NRXN1: variants seen among roughly 807,000 people sequenced by gnomAD.
The protein encoded by NRXN1 is neurexin 1.
Under a neutral mutation model 150.9 loss-of-function variants are expected in NRXN1, and 39 were observed. That is an observed-to-expected ratio of 0.26 (90% CI 0.20 to 0.34). The LOEUF (loss-of-function observed/expected upper bound fraction) is 0.34, where lower values mean the gene tolerates loss of function less well. Among genes scored for constraint, NRXN1 ranks in the 10% least tolerant of loss-of-function variants. The pLI is 1.00. For synonymous variants in NRXN1, 924 were observed against 757.0 expected (o/e 1.22, Z -3.62); for missense variants, 1,815 against 1,949.9 (o/e 0.93, Z 1.30).
At chr2:50,649,663 C>T (rs1323667733) in intron 5 of NRXN1, among the ~76,000 whole-genome samples, 1 of 151,996 alleles carries the variant, frequency 6.6e-6, no homozygotes, top group Non-Finnish European at 1.5e-5. Flanking sequence ...GTAATACCTA[C>T]TGTATCACTT....
At chr2:49,927,171 A>C (rs1669252055) in intron 22 of NRXN1, among the ~76,000 whole-genome samples, 1 of 152,218 alleles carries the variant, frequency 6.6e-6, no homozygotes, top group Admixed American at 6.5e-5. Flanking sequence ...ACACAATGTA[A>C]AATAATTCTT....
At chr2:50,071,547 A>G (rs1189505688) in intron 19 of NRXN1, among the ~76,000 whole-genome samples, 4 of 152,210 alleles carry the variant, frequency 2.6e-5, no homozygotes, top group Non-Finnish European at 4.4e-5. Flanking sequence ...CCCAGCAAGA[A>G]GGTGGACATC....
intron 17 of NRXN1, among the ~76,000 whole-genome samples, chr2:50,329,758 C>T (rs111738169): frequency 0.12 from 17,033 of 146,064 alleles, 1,115 homozygotes; most frequent in Non-Finnish European, 0.13. Context: ...ACTGCAACCT[C>T]CACCTCCCAG....
At chr2:50,951,795 G>T (rs12713125) in intron 2 of NRXN1, among the ~76,000 whole-genome samples, 121,252 of 151,216 alleles carry the variant, frequency 0.8, 48,797 homozygotes, top group East Asian at 0.99. Flanking sequence ...ATAAAAATAT[G>T]TTTCCTCATA....
At chr2:50,600,514 G>A (rs946819485) in intron 8 of NRXN1, among the ~76,000 whole-genome samples, 9 of 151,798 alleles carry the variant, frequency 5.9e-5, no homozygotes, top group Non-Finnish European at 8.8e-5. Flanking sequence ...TAATAGAGAC[G>A]GGGTTTCACC....
intron 8 of NRXN1, among the ~76,000 whole-genome samples, chr2:50,595,514 G>T (rs959306338): frequency 2.0e-5 from 3 of 151,954 alleles, no homozygotes; most frequent in Admixed American, 1.3e-4. Context: ...CTAAATCACA[G>T]ATAAGAGCCA....
At chr2:50,666,539 C>G (rs899098108) in intron 5 of NRXN1, among the ~76,000 whole-genome samples, 2 of 151,930 alleles carry the variant, frequency 1.3e-5, no homozygotes, top group African/African-American at 4.8e-5. Flanking sequence ...TACCATTTCA[C>G]ATTCCCATGA....
chr2:50,958,373 A>C (rs986670747), intron 2 of NRXN1, among the ~76,000 whole-genome samples: 1 of 152,146 alleles, frequency 6.6e-6, no homozygotes, highest in African/African-American at 2.4e-5. Flanking sequence ...CCTTCATTTC[A>C]GCTCTCAAAA....
chr2:50,367,128 T>C (rs148626252), intron 17 of NRXN1, among the ~76,000 whole-genome samples: 1,942 of 152,062 alleles, frequency 0.013, 26 homozygotes, highest in Middle Eastern at 0.048. Context: ...GTTAAGGTAC[T>C]TTCTTTAATA....
At chr2:49,945,389 CTCT>C (rs935015025) in intron 21 of NRXN1, among the ~76,000 whole-genome samples, 9 of 147,802 alleles carry the variant, frequency 6.1e-5, no homozygotes, top group South Asian at 4.2e-4. Context: ...TGGGGGTTTT[CTCT>C]TTTTTTTTTT....
intron 5 of NRXN1, among the ~76,000 whole-genome samples, chr2:50,707,756 G>A (rs1389663296): frequency 6.6e-6 from 1 of 152,102 alleles, no homozygotes; most frequent in African/African-American, 2.4e-5. Context: ...ATACGGAAGA[G>A]CATATCCTAT....
chr2:50,364,709 AAAG>A (rs1382322218), intron 17 of NRXN1, among the ~76,000 whole-genome samples: 2 of 152,148 alleles, frequency 1.3e-5, no homozygotes, highest in African/African-American at 4.8e-5. Context: ...AGACATGGTA[AAAG>A]AAGAGTAAAG....
At chr2:50,212,050 C>A (rs879776861) in intron 18 of NRXN1, among the ~76,000 whole-genome samples, 2,325 of 151,684 alleles carry the variant, frequency 0.015, 164 homozygotes, top group Admixed American at 0.12. Context: ...ACTAAATCCA[C>A]TATATATTCA....
intron 5 of NRXN1, among the ~76,000 whole-genome samples, chr2:50,757,813 T>C (rs1255916184): frequency 6.6e-6 from 1 of 151,620 alleles, no homozygotes; most frequent in Admixed American, 6.6e-5. Context: ...TCAATATTGA[T>C]GCATGCTGTG....
intron 18 of NRXN1, among the ~76,000 whole-genome samples, chr2:50,217,420 C>A (rs908932577): frequency 6.6e-6 from 1 of 151,842 alleles, no homozygotes; most frequent in African/African-American, 2.4e-5. Context: ...AGTTGAGAAA[C>A]TAAGTGATTA....
At chr2:50,766,502 T>C (rs1240233230) in intron 5 of NRXN1, among the ~76,000 whole-genome samples, 1 of 151,964 alleles carries the variant, frequency 6.6e-6, no homozygotes, top group Non-Finnish European at 1.5e-5. Context: ...TTTGAGGCTG[T>C]TGGGCAAAAC....
intron 5 of NRXN1, among the ~76,000 whole-genome samples, chr2:50,677,032 G>A (rs919707232): frequency 6.6e-6 from 1 of 151,948 alleles, no homozygotes; most frequent in Non-Finnish European, 1.5e-5. Context: ...ATCTACCATT[G>A]TTCTCATCCT....
chr2:50,452,390 C>T (rs942367582), intron 17 of NRXN1, among the ~76,000 whole-genome samples: 1 of 152,130 alleles, frequency 6.6e-6, no homozygotes, highest in African/African-American at 2.4e-5. Flanking sequence ...GAATCACGGA[C>T]TCTTAGCTCT....
intron 5 of NRXN1, among the ~76,000 whole-genome samples, chr2:50,881,663 G>C (rs570803263): frequency 1.3e-5 from 2 of 151,978 alleles, no homozygotes; most frequent in South Asian, 4.1e-4. Context: ...AGTGGAATCA[G>C]GGGCTGGACC....
Sources: gnomAD v4.1 joint callset for allele counts (sites outside exome capture counted in the v4.1 genomes callset) on GRCh38, gnomAD v4.1.1 for gene constraint, MANE v1.5 for transcripts, NCBI Gene and HGNC (gene_info 2026-07-23, HGNC 2026-07-21) for gene names.